Variants in CSMD1 observed in about 807,000 individuals in gnomAD.
The protein encoded by CSMD1 is CUB and sushi domain-containing protein 1.
CSMD1 carries 213 observed loss-of-function variants against 417.5 expected under a neutral mutation model. The observed-to-expected ratio is 0.51, with a 90% CI of 0.46 to 0.57. The LOEUF (loss-of-function observed/expected upper bound fraction) is 0.57. CSMD1 is among the 20% of genes least tolerant of loss of function. CSMD1 has a pLI of 0.00. For synonymous variants in CSMD1, 2,862 were observed against 1,736.8 expected, an observed-to-expected ratio of 1.65 and a Z score of -16.11; for missense variants, 6,923 against 4,529.7, an observed-to-expected ratio of 1.53 and a Z score of -15.17.
intron 5 of CSMD1, among the ~76,000 whole-genome samples, chr8:3,919,925 C>G (rs984321426): frequency 3.3e-5 from 5 of 151,980 alleles, no homozygotes; most frequent in African/African-American, 9.7e-5. Context: ...ATTTCTTTAT[C>G]AGATAATTTG....
At chr8:3,532,931 A>G (rs1798040986) in intron 10 of CSMD1, among the ~76,000 whole-genome samples, 1 of 152,202 alleles carries the variant, frequency 6.6e-6, no homozygotes, top group Admixed American at 6.6e-5. Flanking sequence ...GACATAGCAC[A>G]TATACTTTCA....
chr8:3,914,983 G>C (rs892631910), intron 5 of CSMD1, among the ~76,000 whole-genome samples: 1 of 152,102 alleles, frequency 6.6e-6, no homozygotes, highest in African/African-American at 2.4e-5. Flanking sequence ...AAAGCTGAAC[G>C]GAACAGCCTT....
At chr8:4,990,786 A>G (rs1342615921) in intron 1 of CSMD1, among the ~76,000 whole-genome samples, 1 of 152,046 alleles carries the variant, frequency 6.6e-6, no homozygotes, top group Non-Finnish European at 1.5e-5. Context: ...TGACCTGCAA[A>G]TTAAAGGTCT....
intron 17 of CSMD1, among the ~76,000 whole-genome samples, chr8:3,394,618 T>G (rs1811572672): frequency 2.1e-5 from 1 of 47,688 alleles, no homozygotes; most frequent in Non-Finnish European, 3.8e-5. Flanking sequence ...GAAATTCTGG[T>G]GTAGAAAAAG....
At chr8:3,646,450 A>C (rs1046384505) in intron 7 of CSMD1, among the ~76,000 whole-genome samples, 3 of 152,210 alleles carry the variant, frequency 2.0e-5, no homozygotes, top group Non-Finnish European at 4.4e-5. Context: ...TTTGTAAATA[A>C]GGGAAAATCG....
intron 3 of CSMD1, among the ~76,000 whole-genome samples, chr8:4,289,550 G>C (rs947840729): frequency 6.6e-6 from 1 of 152,164 alleles, no homozygotes; most frequent in Admixed American, 6.5e-5. Flanking sequence ...TCTGACACGT[G>C]TCTCCCACTC....
intron 5 of CSMD1, among the ~76,000 whole-genome samples, chr8:3,940,840 A>G (rs1416770432): frequency 1.3e-5 from 2 of 151,664 alleles, no homozygotes; most frequent in Non-Finnish European, 2.9e-5. Context: ...TAACCCAAGA[A>G]GTTTATTAAA....
intron 4 of CSMD1, among the ~76,000 whole-genome samples, chr8:4,029,948 G>C (rs1164902013): frequency 6.6e-6 from 1 of 152,166 alleles, no homozygotes; most frequent in Admixed American, 6.5e-5. Flanking sequence ...CAGTGGGGCA[G>C]TCAAATCTTA....
At chr8:3,450,829 C>G (rs553587696) in intron 12 of CSMD1, among the ~76,000 whole-genome samples, 1 of 151,790 alleles carries the variant, frequency 6.6e-6, no homozygotes, top group Non-Finnish European at 1.5e-5. Context: ...GGTATATACC[C>G]AGTAATGGGA....
chr8:4,563,143 T>G (rs528571646), intron 2 of CSMD1, among the ~76,000 whole-genome samples: 59 of 152,282 alleles, frequency 3.9e-4, no homozygotes, highest in Non-Finnish European at 7.1e-4. Context: ...GACTCATGCC[T>G]GTAATCTCAG....
intron 6 of CSMD1, among the ~76,000 whole-genome samples, chr8:3,746,788 T>C (rs1797084707): frequency 6.6e-6 from 1 of 152,216 alleles, no homozygotes; most frequent in Non-Finnish European, 1.5e-5. Context: ...TTTATGACTT[T>C]TTAATATACC....
At position 3,031,527 on chromosome 8, in the gene CSMD1, A is replaced by T. The variant is rs1477459652; in HGVS notation, c.7661-2014T>A. ...TCTTTTACAAACTTTATTTCTGCCAAGAATGACTCAACTTTGTTCTTTCTT... is the reference window on the plus strand; with the variant it reads ...TCTTTTACAAACTTTATTTCTGCCATGAATGACTCAACTTTGTTCTTTCTT... On this transcript the variant is annotated intron_variant, in intron 50 of 69. Coordinates refer to ENST00000635120, the MANE Select transcript of CSMD1 (RefSeq NM_033225.6). 2.0e-5 allele frequency among the ~76,000 whole-genome samples: 3 copies of T among 152,130 alleles called. No homozygotes were observed. In the East Asian group the frequency reaches 5.8e-4, roughly 29 times the overall value.
chr8:4,276,325 G>A (rs1033250504), intron 3 of CSMD1, among the ~76,000 whole-genome samples: 1 of 152,144 alleles, frequency 6.6e-6, no homozygotes, highest in Non-Finnish European at 1.5e-5. Context: ...TCCTTTGCAG[G>A]GACATGGATG....
At chr8:4,500,454 T>C (rs984449699) in intron 2 of CSMD1, among the ~76,000 whole-genome samples, 2 of 152,156 alleles carry the variant, frequency 1.3e-5, no homozygotes, top group African/African-American at 4.8e-5. Flanking sequence ...AACAAACTAT[T>C]GAACAAAACA....
intron 2 of CSMD1, among the ~76,000 whole-genome samples, chr8:4,528,808 A>G (rs984536362): frequency 6.6e-6 from 1 of 150,946 alleles, no homozygotes; most frequent in African/African-American, 2.4e-5. Flanking sequence ...TCTCTCTCAT[A>G]CACACACACA....
At chr8:3,508,365 G>C (rs1796921431) in intron 10 of CSMD1, among the ~76,000 whole-genome samples, 1 of 151,728 alleles carries the variant, frequency 6.6e-6, no homozygotes, top group Non-Finnish European at 1.5e-5. Context: ...TATGGGGCAG[G>C]GGGAGGGGGG....
At chr8:3,496,229 G>A (rs1300372213) in intron 10 of CSMD1, among the ~76,000 whole-genome samples, 2 of 152,120 alleles carry the variant, frequency 1.3e-5, no homozygotes, top group Non-Finnish European at 2.9e-5. Flanking sequence ...TGGCTCCACT[G>A]CCGACTCTGT....
intron 26 of CSMD1, among the ~76,000 whole-genome samples, chr8:3,260,437 G>A (rs557202822): frequency 6.6e-6 from 1 of 151,946 alleles, no homozygotes; most frequent in East Asian, 1.9e-4. Flanking sequence ...CCCCATCGGG[G>A]TGCATCAACT....
At position 4,477,349 on chromosome 8, in the gene CSMD1, G is replaced by C. The variant is rs556006681; in HGVS notation, c.303-57284C>G. ...TGCTGGAAGGAGTTAGGCTGTCATG[G>C]CAGCCGAGGGGCTCTCCACAAGCCA... On this transcript the variant is annotated intron_variant, in intron 2 of 69. Coordinates refer to ENST00000635120, the MANE Select transcript of CSMD1 (RefSeq NM_033225.6). Among the ~76,000 whole-genome samples the C allele has an allele frequency of 2.0e-3, 308 of 152,272 alleles. 2 individuals are homozygous for C. Among genetic ancestry groups the C allele is most frequent in the Non-Finnish European group, 2.5e-3 (172 of 68,016 alleles).
Sources: allele counts gnomAD v4.1 joint callset (sites outside exome capture counted in the v4.1 genomes callset), GRCh38; gene constraint gnomAD v4.1.1; transcripts MANE v1.5; gene names NCBI Gene and HGNC (gene_info 2026-07-23, HGNC 2026-07-21).